NFKBIB: variants seen among roughly 807,000 people sequenced by gnomAD.
The protein encoded by NFKBIB is NF-kappa-B inhibitor beta.
Under a neutral mutation model 32.1 loss-of-function variants are expected in NFKBIB, and 16 were observed. The observed-to-expected ratio is 0.50, with a 90% CI of 0.34 to 0.76. NFKBIB has a LOEUF of 0.76. Among genes scored for constraint, NFKBIB ranks in the 30% least tolerant of loss-of-function variants. The pLI, the probability that NFKBIB is intolerant of heterozygous loss-of-function variation, is 0.01. For synonymous variants in NFKBIB, 222 were observed against 219.5 expected, an observed-to-expected ratio of 1.01 and a Z score of -0.10; for missense variants, 437 against 514.9, an observed-to-expected ratio of 0.85 and a Z score of 1.46.
intron 1 of NFKBIB, among the ~76,000 whole-genome samples, chr19:38,903,670 T>C (rs1974032283): frequency 6.6e-6 from 1 of 152,234 alleles, no homozygotes; most frequent in Non-Finnish European, 1.5e-5. Context: ...TGATGGTTCC[T>C]ATTATGGATC....
chr19:38,908,586 G>T, intron 5 of NFKBIB, 145 bp from the exon 6 acceptor site: 1 of 1,361,848 alleles, frequency 7.3e-7, no homozygotes, highest in Non-Finnish European at 9.4e-7. Flanking sequence ...AGTTCTGAGA[G>T]CTAGGAAACT....
chr19:38,907,392 C>A lies in NFKBIB; in HGVS notation c.709-7C>A. 1 of 1,587,950 alleles carries A rather than the reference C, an allele frequency of 6.3e-7. No homozygotes were observed. The highest frequency in any genetic ancestry group is 8.6e-7 in the Non-Finnish European group (1 of 1,162,454). On this transcript the variant is annotated splice_region_variant and splice_polypyrimidine_tract_variant and intron_variant, in intron 4 of 5. Coordinates refer to ENST00000313582, the MANE Select transcript of NFKBIB (RefSeq NM_002503.5). ...GGCCCTCTGACCTTTCTGTTGCACC[C>A]CCACAGGAGCCCACGTGCGGCCGGA...
In NFKBIB at chr19:38,905,051, C is replaced by A. The variant is rs762824349; in HGVS notation, c.216C>A (p.Pro72=). The change falls in exon 2 of 6, where the codon CCC becomes CCA. Residue 72 remains proline, a synonymous_variant. Transcript: ENST00000313582. The surrounding 1 kb of genome is among the most constrained non-coding windows in gnomAD (Gnocchi z 5.5). ...TGGCTGTGATTCATCAGCATGAACC[C>A]TTCCTGGATTTTCTTCTAGGCTTCT... ...LHLAVIHQHE[P]FLDFLLGFSA... The A allele has an allele frequency of 1.9e-6, 3 of 1,614,188 alleles. No homozygotes were observed. In the Admixed American group the frequency reaches 5.0e-5, roughly 27 times the overall value.
intron 5 of NFKBIB, chr19:38,908,370 C>T (rs1339045845): frequency 2.5e-6 from 2 of 813,416 alleles, no homozygotes; most frequent in African/African-American, 1.8e-5. Context: ...AAGACCCTGT[C>T]TCTACTAAAA....
rs540887146 is a variant in NFKBIB at position 38,905,926 on chromosome 19, C to T, written c.619+391C>T. 6.6e-6 allele frequency among the ~76,000 whole-genome samples: 1 copy of T among 152,224 alleles called. No individual in the cohort carries two copies. The highest frequency in any genetic ancestry group is 2.1e-4 in the South Asian group (1 of 4,818). ...ACCCCAGGCTCCCAGCAATGGGCAG[C>T]AGGGTTCAGAGACAGCCCTCCTCAG... On this transcript the variant is annotated intron_variant, in intron 3 of 5. Transcript: ENST00000313582. The surrounding 1 kb of genome is among the most constrained non-coding windows in gnomAD (Gnocchi z 5.5).
intron 1 of NFKBIB, among the ~76,000 whole-genome samples, chr19:38,901,868 C>T (rs1253652495): frequency 6.6e-6 from 1 of 152,010 alleles, no homozygotes; most frequent in African/African-American, 2.4e-5. Context: ...GGATGAACCA[C>T]TGTGCCCAGA....
intron 1 of NFKBIB, 135 bp from the exon 2 acceptor site, chr19:38,904,880 C>T: frequency 1.3e-6 from 1 of 750,620 alleles, no homozygotes; most frequent in Non-Finnish European, 2.2e-6. Flanking sequence ...TGACCTCTGA[C>T]CTCCCAGATA....
chr19:38,900,301 T>C (rs1450027605), intron 1 of NFKBIB, 90 bp downstream of exon 1: 2 of 1,354,382 alleles, frequency 1.5e-6, no homozygotes, highest in Admixed American at 2.9e-5. Context: ...CCTAACCTCA[T>C]ACTCCTAAAT....
At chr19:38,908,240 A>T in intron 5 of NFKBIB, 4 of 992,038 alleles carry the variant, frequency 4.0e-6, no homozygotes, top group Non-Finnish European at 4.8e-6. Flanking sequence ...TGTAGAAATG[A>T]CCTTGAAAAT....
intron 3 of NFKBIB, among the ~76,000 whole-genome samples, chr19:38,906,075 A>G (rs1021603053): frequency 6.7e-6 from 1 of 148,468 alleles, no homozygotes; most frequent in East Asian, 2.0e-4. Context: ...TTCAGGACCC[A>G]GTGTTCAGGG....
chr19:38,906,716 G>A (rs756126997), intron 3 of NFKBIB, among the ~76,000 whole-genome samples: 80 of 151,990 alleles, frequency 5.3e-4, no homozygotes, highest in Non-Finnish European at 8.8e-4. Flanking sequence ...TGATCCACCC[G>A]CCTCAGCCTC....
At position 38,907,414 on chromosome 19, in the gene NFKBIB, C is replaced by T. The variant is rs761336298; in HGVS notation, c.724C>T (p.Arg242Trp). The change falls in exon 5 of 6, where the codon CGG becomes TGG. Residue 242 changes from arginine (R) to tryptophan (W), a missense_variant. By Grantham distance (101) the Arg-to-Trp change is moderately radical. Coordinates refer to ENST00000313582, the MANE Select transcript of NFKBIB (RefSeq NM_002503.5). ...DLDKPEPTCG[R>W]SPLHLAVEAQ... is the part of the protein sequence containing the mutation. ...ACCCCCACAGGAGCCCACGTGCGGC[C>T]GGAGCCCCCTTCATTTGGCAGTGGA... The T allele has an allele frequency of 6.9e-6, 11 of 1,592,024 alleles. No homozygotes were observed. The highest frequency in any genetic ancestry group is 4.3e-6 in the Non-Finnish European group (5 of 1,164,790).
chr19:38,907,825 T>C (rs972367825), intron 5 of NFKBIB, 166 bp downstream of exon 5: 4 of 1,421,842 alleles, frequency 2.8e-6, no homozygotes, highest in Non-Finnish European at 3.7e-6. Flanking sequence ...TGGACAGGGG[T>C]GGTGGGAAGA....
chr19:38,908,323 G>A (rs1974212969), intron 5 of NFKBIB: 6 of 950,928 alleles, frequency 6.3e-6, no homozygotes, highest in East Asian at 1.1e-4. Context: ...GGCAGATCAC[G>A]AGGTCAGGAG....
At chr19:38,904,726 C>T (rs1434791168) in intron 1 of NFKBIB, among the ~76,000 whole-genome samples, 1 of 148,476 alleles carries the variant, frequency 6.7e-6, no homozygotes, top group Admixed American at 6.9e-5. Context: ...ACTGTTGCTT[C>T]ATATACCGTA....
At chr19:38,907,110 G>T in intron 3 of NFKBIB, 111 bp from the exon 4 acceptor site, 1 of 964,372 alleles carries the variant, frequency 1.0e-6, no homozygotes. Context: ...TCAGGAACCA[G>T]CCCCCAAACC....
At chr19:38,900,835 AAAAC>A (rs1246804252) in intron 1 of NFKBIB, among the ~76,000 whole-genome samples, 1 of 152,256 alleles carries the variant, frequency 6.6e-6, no homozygotes, top group Admixed American at 6.5e-5. Context: ...GGCAGTGAAG[AAAAC>A]AAACAAAAAC....
At position 38,908,835 on chromosome 19, in the gene NFKBIB, T is replaced by C; in HGVS notation, c.*3T>C. On this transcript the variant is annotated 3_prime_UTR_variant, in exon 6 of 6. Coordinates refer to ENST00000313582, the MANE Select transcript of NFKBIB (RefSeq NM_002503.5). The stretch of plus-strand genomic sequence containing the variant: ...CTGACGACCCCCGCCCCGTGTGATT[T>C]GTTTCATTGTTAATATAATTTCCAG... 1 of 1,610,374 alleles carries C rather than the reference T, an allele frequency of 6.2e-7. No individual in the cohort carries two copies. The highest frequency in any genetic ancestry group is 8.5e-7 in the Non-Finnish European group (1 of 1,179,098).
At chr19:38,907,807 G>A in intron 5 of NFKBIB, 148 bp downstream of exon 5, 1 of 1,442,524 alleles carries the variant, frequency 6.9e-7, no homozygotes, top group South Asian at 1.5e-5. Context: ...CACTAGTCAG[G>A]AGAGACCTGG....
Sources: allele counts gnomAD v4.1 joint callset (sites outside exome capture counted in the v4.1 genomes callset), GRCh38; gene constraint gnomAD v4.1.1; non-coding constraint Gnocchi (gnomAD v3.1); transcripts MANE v1.5; gene names NCBI Gene and HGNC (gene_info 2026-07-23, HGNC 2026-07-21).